COP1: variants seen among roughly 807,000 people sequenced by gnomAD.
COP1 encodes COP1 E3 ubiquitin ligase.
A neutral mutation model predicts 101.3 loss-of-function variants in COP1; 24 were observed. That is an observed-to-expected ratio of 0.24 (90% CI 0.17 to 0.33). The LOEUF is 0.33. COP1 is among the 10% of genes least tolerant of loss of function. The pLI is 1.00. For synonymous variants in COP1, 347 were observed against 341.9 expected (o/e 1.01, Z -0.17); for missense variants, 663 against 906.2 (o/e 0.73, Z 3.45).
intron 18 of COP1, among the ~76,000 whole-genome samples, chr1:175,979,114 C>T (rs1446595120): frequency 1.3e-5 from 2 of 151,930 alleles, no homozygotes; most frequent in Non-Finnish European, 2.9e-5. Context: ...TCATTTGTTC[C>T]CAAACATGAT....
intron 1 of COP1, among the ~76,000 whole-genome samples, chr1:176,204,537 T>C (rs1463495756): frequency 6.6e-6 from 1 of 152,156 alleles, no homozygotes; most frequent in African/African-American, 2.4e-5. Context: ...CAAACCTGGC[T>C]TGAGTTTTAA....
At chr1:175,986,134 C>G (rs1343450122) in intron 18 of COP1, among the ~76,000 whole-genome samples, 1 of 152,156 alleles carries the variant, frequency 6.6e-6, no homozygotes, top group African/African-American at 2.4e-5. Context: ...ATTCTCCTGA[C>G]TCAGCCTCCC....
intron 9 of COP1, among the ~76,000 whole-genome samples, chr1:176,087,109 T>C (rs923773637): frequency 6.6e-6 from 1 of 152,096 alleles, no homozygotes; most frequent in African/African-American, 2.4e-5. Flanking sequence ...AAAATTAATT[T>C]AAGATGGATT....
At chr1:176,007,978 C>G (rs1048117719) in intron 15 of COP1, among the ~76,000 whole-genome samples, 27 of 152,042 alleles carry the variant, frequency 1.8e-4, no homozygotes, top group Non-Finnish European at 3.4e-4. Flanking sequence ...TCAGACTGCT[C>G]TGCTAGCAAT....
intron 18 of COP1, among the ~76,000 whole-genome samples, chr1:175,980,716 T>C (rs1242937916): frequency 6.6e-6 from 1 of 152,100 alleles, no homozygotes; most frequent in Non-Finnish European, 1.5e-5. Context: ...AGTGTACTTT[T>C]TGGGGTCACT....
At chr1:176,118,848 G>C (rs903363955) in intron 8 of COP1, among the ~76,000 whole-genome samples, 5 of 152,072 alleles carry the variant, frequency 3.3e-5, no homozygotes, top group African/African-American at 1.2e-4. Flanking sequence ...CAAATACTCT[G>C]ACTTGATCAT....
chr1:176,022,035 G>C (rs1365086857), intron 15 of COP1, among the ~76,000 whole-genome samples: 3 of 151,940 alleles, frequency 2.0e-5, no homozygotes, highest in Admixed American at 6.6e-5. Flanking sequence ...AATTATCTTA[G>C]CATTTTCATT....
intron 11 of COP1, among the ~76,000 whole-genome samples, chr1:176,058,754 T>TAAAAAAA (rs1171809329): frequency 2.3e-5 from 2 of 88,346 alleles, no homozygotes; most frequent in Non-Finnish European, 2.5e-5. Flanking sequence ...GAATGATCAA[T>TAAAAAAA]AAAAAAAAAA....
chr1:176,028,666 G>A lies in COP1; in HGVS notation c.1613-978C>T, dbSNP rs988548628. Among the ~76,000 whole-genome samples the A allele has an allele frequency of 1.4e-4, 17 of 118,300 alleles. No individual in the cohort carries two copies. The Admixed American group carries it at 1.5e-3, about 10-fold the overall frequency. The allele number at this position is 118,300 out of a possible 152,430, so 77.6% of individuals were successfully genotyped here. On this transcript the variant is annotated intron_variant, in intron 14 of 19. Transcript: ENST00000367669. The stretch of plus-strand genomic sequence containing the variant: ...GACATAAAAGACAGGAACAAAAAAA[G>A]CAATCTGGAGCTAGGTGGTATATTT...
At chr1:176,071,564 T>C (rs1230203055) in intron 11 of COP1, among the ~76,000 whole-genome samples, 2 of 152,150 alleles carry the variant, frequency 1.3e-5, no homozygotes, top group Non-Finnish European at 2.9e-5. Context: ...TCTAGACAAA[T>C]ATACGTGAAT....
chr1:176,042,790 C>T (rs994256947), intron 14 of COP1, among the ~76,000 whole-genome samples: 5 of 148,508 alleles, frequency 3.4e-5, no homozygotes, highest in Non-Finnish European at 5.9e-5. Context: ...TTTGAGAGGC[C>T]GAGGCAGCAA....
chr1:176,161,727 C>G (rs1694357943), intron 5 of COP1, among the ~76,000 whole-genome samples: 1 of 152,182 alleles, frequency 6.6e-6, no homozygotes. Context: ...AACACAACCC[C>G]TGGCAAACAG....
intron 15 of COP1, among the ~76,000 whole-genome samples, chr1:175,994,709 T>C (rs559301097): frequency 2.0e-5 from 3 of 152,268 alleles, no homozygotes; most frequent in East Asian, 1.9e-4. Context: ...GCTAAATATA[T>C]ATGCACCCAA....
chr1:175,998,748 T>G (rs1042130087), intron 15 of COP1, among the ~76,000 whole-genome samples: 4 of 152,080 alleles, frequency 2.6e-5, no homozygotes, highest in Non-Finnish European at 5.9e-5. Context: ...AGGAACTCAT[T>G]TCTCTTCCCT....
At chr1:175,980,672 A>C (rs1263024624) in intron 18 of COP1, among the ~76,000 whole-genome samples, 1 of 151,852 alleles carries the variant, frequency 6.6e-6, no homozygotes, top group African/African-American at 2.4e-5. Context: ...TGTCCACCCT[A>C]ATGACCACTG....
intron 5 of COP1, among the ~76,000 whole-genome samples, chr1:176,162,149 C>T (rs1694433828): frequency 6.6e-6 from 1 of 152,156 alleles, no homozygotes; most frequent in African/African-American, 2.4e-5. Flanking sequence ...TGTAGTCTTC[C>T]AGAGAAGCCA....
intron 5 of COP1, among the ~76,000 whole-genome samples, chr1:176,151,742 C>T (rs377017099): frequency 2.0e-5 from 3 of 152,128 alleles, no homozygotes; most frequent in East Asian, 3.8e-4. Flanking sequence ...TAGTATCCTT[C>T]GGTTATATGG....
At chr1:176,141,897 AT>A (rs919985723) in intron 6 of COP1, among the ~76,000 whole-genome samples, 3 of 151,314 alleles carry the variant, frequency 2.0e-5, no homozygotes, top group Non-Finnish European at 3.0e-5. Flanking sequence ...TGCTCCACGA[AT>A]TTTTTTTTAA....
At chr1:175,982,864 G>A (rs1175333433) in intron 18 of COP1, among the ~76,000 whole-genome samples, 3 of 152,166 alleles carry the variant, frequency 2.0e-5, no homozygotes, top group Non-Finnish European at 4.4e-5. Flanking sequence ...GTAGTTACCA[G>A]AGGTGGGGGA....
Sources: allele counts gnomAD v4.1 joint callset (sites outside exome capture counted in the v4.1 genomes callset), GRCh38; gene constraint gnomAD v4.1.1; transcripts MANE v1.5; gene names NCBI Gene and HGNC (gene_info 2026-07-23, HGNC 2026-07-21).